Variants in THSD7B observed in about 807,000 individuals in gnomAD.
The protein encoded by THSD7B is thrombospondin type-1 domain-containing protein 7B.
Under a neutral mutation model 213.6 loss-of-function variants are expected in THSD7B, and 138 were observed. That is an observed-to-expected ratio of 0.65 (90% confidence interval 0.56 to 0.74). The LOEUF (loss-of-function observed/expected upper bound fraction) is 0.74, where lower values mean the gene tolerates loss of function less well. Ranked by LOEUF, THSD7B falls within the 30% of genes least tolerant of loss-of-function variation. The pLI, the probability that THSD7B is intolerant of heterozygous loss-of-function variation, is 0.00. For missense variants in THSD7B, 1,931 were observed against 1,991.5 expected (o/e 0.97, Z 0.58); for synonymous variants, 742 against 687.0 (o/e 1.08, Z -1.25).
At chr2:137,568,554 C>T (rs1182097300) in intron 16 of THSD7B, among the ~76,000 whole-genome samples, 1 of 152,136 alleles carries the variant, frequency 6.6e-6, no homozygotes, top group South Asian at 2.1e-4. Context: ...TTAGTTGACT[C>T]ACAGTTCCAC....
intron 16 of THSD7B, among the ~76,000 whole-genome samples, chr2:137,568,811 T>C (rs1360508385): frequency 6.6e-6 from 1 of 152,066 alleles, no homozygotes; most frequent in Non-Finnish European, 1.5e-5. Flanking sequence ...CAATTCAAGA[T>C]GAGATTTGGG....
intron 12 of THSD7B, among the ~76,000 whole-genome samples, chr2:137,295,496 A>C (rs1244993831): frequency 6.6e-6 from 1 of 152,086 alleles, no homozygotes; most frequent in Non-Finnish European, 1.5e-5. Context: ...TTTGTTTTTG[A>C]GATGGAGTCT....
intron 3 of THSD7B, among the ~76,000 whole-genome samples, chr2:137,082,937 A>G (rs568210682): frequency 6.6e-6 from 1 of 152,214 alleles, no homozygotes; most frequent in South Asian, 2.1e-4. Flanking sequence ...CAGGAATTTA[A>G]TATCTCAGTA....
At chr2:137,613,659 T>C (rs1019810025) in intron 17 of THSD7B, among the ~76,000 whole-genome samples, 1 of 152,150 alleles carries the variant, frequency 6.6e-6, no homozygotes. Flanking sequence ...TCACACATCA[T>C]TTTCCCACTT....
At chr2:137,161,984 C>A (rs1238293366) in intron 6 of THSD7B, among the ~76,000 whole-genome samples, 2 of 152,106 alleles carry the variant, frequency 1.3e-5, no homozygotes, top group African/African-American at 4.8e-5. Context: ...TGAAGTGCTG[C>A]CTTCATCTAC....
At chr2:137,067,098 A>G (rs970729936) in intron 3 of THSD7B, among the ~76,000 whole-genome samples, 6 of 152,080 alleles carry the variant, frequency 3.9e-5, no homozygotes, top group Non-Finnish European at 5.9e-5. Flanking sequence ...CACATTGTCT[A>G]CTTTTTCACT....
At chr2:137,030,352 T>A (rs1014631092) in intron 2 of THSD7B, among the ~76,000 whole-genome samples, 1 of 152,188 alleles carries the variant, frequency 6.6e-6, no homozygotes, top group Non-Finnish European at 1.5e-5. Context: ...ACTAAGTTTA[T>A]CCAGAATATA....
chr2:137,671,464 C>CA (rs1273607579), intron 27 of THSD7B, among the ~76,000 whole-genome samples: 1 of 18,412 alleles, frequency 5.4e-5, no homozygotes, highest in African/African-American at 1.2e-4. Context: ...TTAATTGACT[C>CA]AACAGTTCTA....
intron 2 of THSD7B, among the ~76,000 whole-genome samples, chr2:136,995,855 T>G (rs1685875736): frequency 6.6e-6 from 1 of 152,220 alleles, no homozygotes; most frequent in Non-Finnish European, 1.5e-5. Flanking sequence ...TATTCATTTT[T>G]AATGCTAGGC....
At chr2:137,047,073 C>A (rs994084905) in intron 2 of THSD7B, among the ~76,000 whole-genome samples, 2 of 152,088 alleles carry the variant, frequency 1.3e-5, no homozygotes, top group South Asian at 4.1e-4. Context: ...TATAGGACCA[C>A]AATAGGGAAA....
At chr2:136,880,598 G>A (rs1560360) in intron 1 of THSD7B, among the ~76,000 whole-genome samples, 91,376 of 151,850 alleles carry the variant, frequency 0.6, 29,699 homozygotes, top group Non-Finnish European at 0.74. Context: ...CCTGTTTTTG[G>A]TAAAGGGATC....
chr2:137,648,471 G>A (rs902236947), intron 21 of THSD7B, among the ~76,000 whole-genome samples: 1 of 152,070 alleles, frequency 6.6e-6, no homozygotes, highest in East Asian at 1.9e-4. Flanking sequence ...ATATGAGTGA[G>A]AACATATGAT....
chr2:137,033,303 C>G (rs1235043898), intron 2 of THSD7B, among the ~76,000 whole-genome samples: 1 of 152,170 alleles, frequency 6.6e-6, no homozygotes, highest in African/African-American at 2.4e-5. Flanking sequence ...GGTGTGACTC[C>G]TCTCTGCTCC....
intron 1 of THSD7B, among the ~76,000 whole-genome samples, chr2:136,784,593 A>G (rs1028517219): frequency 4.6e-5 from 7 of 152,210 alleles, no homozygotes; most frequent in African/African-American, 7.2e-5. Context: ...ATGAAATTCA[A>G]TTTTAATAAA....
chr2:137,236,955 A>G (rs1175878618), intron 9 of THSD7B, among the ~76,000 whole-genome samples: 1 of 152,078 alleles, frequency 6.6e-6, no homozygotes, highest in East Asian at 1.9e-4. Context: ...TACTAAAAAT[A>G]CAAAAATTAG....
chr2:137,366,817 A>G (rs1404964354), intron 12 of THSD7B, among the ~76,000 whole-genome samples: 1 of 152,180 alleles, frequency 6.6e-6, no homozygotes, highest in Non-Finnish European at 1.5e-5. Flanking sequence ...GTACTAAAAT[A>G]TAGCATTTCT....
At chr2:137,403,811 A>G (rs1162990283) in intron 12 of THSD7B, among the ~76,000 whole-genome samples, 1 of 152,182 alleles carries the variant, frequency 6.6e-6, no homozygotes, top group East Asian at 1.9e-4. Flanking sequence ...CAATGCCTGG[A>G]GAGAGTTTTG....
intron 12 of THSD7B, among the ~76,000 whole-genome samples, chr2:137,280,061 A>G (rs1682970932): frequency 6.6e-6 from 1 of 152,252 alleles, no homozygotes; most frequent in South Asian, 2.1e-4. Context: ...TCTTGCCAAA[A>G]CCTTGTGCTT....
chr2:137,573,756 T>C (rs1467609540), intron 17 of THSD7B, among the ~76,000 whole-genome samples: 1 of 152,056 alleles, frequency 6.6e-6, no homozygotes, highest in Non-Finnish European at 1.5e-5. Context: ...GAAACTGATG[T>C]GTAGAAAGGT....
Sources: gnomAD v4.1 joint callset for allele counts (sites outside exome capture counted in the v4.1 genomes callset) on GRCh38, gnomAD v4.1.1 for gene constraint, MANE v1.5 for transcripts, NCBI Gene and HGNC (gene_info 2026-07-23, HGNC 2026-07-21) for gene names.